The following SPICE1 variants were observed in gnomAD, a reference collection of about 807,000 sequenced individuals.
SPICE1 encodes spindle and centriole-associated protein 1.
A neutral mutation model predicts 102.7 loss-of-function variants in SPICE1; 75 were observed. The ratio of observed to expected loss-of-function variants is 0.73; its 90% confidence interval spans 0.61 to 0.88. The LOEUF (loss-of-function observed/expected upper bound fraction) is 0.88. SPICE1 is among the 40% of genes least tolerant of loss of function. The pLI is 0.00. For synonymous variants in SPICE1, 308 were observed against 350.3 expected (o/e 0.88, Z 1.35); for missense variants, 979 against 1,020.1 (o/e 0.96, Z 0.55).
intron 2 of SPICE1, among the ~76,000 whole-genome samples, chr3:113,503,439 T>C (rs1937047671): frequency 6.6e-6 from 1 of 152,170 alleles, no homozygotes; most frequent in Admixed American, 6.5e-5. Flanking sequence ...TTAGATGTCT[T>C]ACAGAAAATA....
rs749806313 is a variant in SPICE1 at position 113,460,657 on chromosome 3, T to C, written c.1395A>G (p.Ser465=). ...VINNRQEIQA[S]ESGATGRRVM... is the part of the protein sequence containing the mutation. ...CTCTTCTACCTGTGGCTCCGCTTTC[T>C]GATGCCTGAATTTCTTGTCTGTTAT... The change falls in exon 12 of 18, where the codon TCA becomes TCG. Residue 465 remains serine (S), a synonymous_variant. Transcript: ENST00000295872. 5 of 1,613,966 alleles carry C rather than the reference T, an allele frequency of 3.1e-6. No homozygotes were observed. The highest frequency in any genetic ancestry group is 2.5e-6 in the Non-Finnish European group (3 of 1,179,894).
intron 15 of SPICE1, 110 bp downstream of exon 15, chr3:113,450,226 C>A (rs750235230): frequency 1.2e-5 from 15 of 1,262,708 alleles, no homozygotes; most frequent in Non-Finnish European, 1.1e-6. Context: ...AAATTGAAGG[C>A]ACCAAAATAT....
At position 113,450,324 on chromosome 3, in the gene SPICE1, T is replaced by A; in HGVS notation, c.2323+12A>T. The A allele has an allele frequency of 1.2e-6, 2 of 1,613,824 alleles. No homozygotes were observed. The highest frequency in any genetic ancestry group is 2.2e-5 in the South Asian group (2 of 91,050). Reference sequence around the variant, plus strand: ...ATATTTCTAGTTTTTAAATCATGAATTTGTGACCAACCAGTCCATGCTCTG... The same window carrying A: ...ATATTTCTAGTTTTTAAATCATGAAATTGTGACCAACCAGTCCATGCTCTG... On this transcript the variant is annotated intron_variant, in intron 15 of 17. Transcript: ENST00000295872.
chr3:113,469,985 G>C (rs918327999), intron 7 of SPICE1, among the ~76,000 whole-genome samples: 3 of 152,200 alleles, frequency 2.0e-5, no homozygotes, highest in Non-Finnish European at 4.4e-5. Context: ...TCAGGGAGGG[G>C]CTAGATAGAG....
chr3:113,510,425 T>C (rs1156755799), intron 1 of SPICE1, among the ~76,000 whole-genome samples: 3 of 152,088 alleles, frequency 2.0e-5, no homozygotes, highest in Non-Finnish European at 4.4e-5. Context: ...AAAGCAGACA[T>C]ATAGACCAAC....
At chr3:113,451,394 G>C (rs937433453) in intron 14 of SPICE1, among the ~76,000 whole-genome samples, 13 of 151,894 alleles carry the variant, frequency 8.6e-5, no homozygotes, top group African/African-American at 3.1e-4. Flanking sequence ...TTCAGTCCTA[G>C]TTATTTCATT....
At chr3:113,446,457 ATTTCT>A (rs1340429940) in intron 17 of SPICE1, 127 bp downstream of exon 17, 9 of 724,224 alleles carry the variant, frequency 1.2e-5, no homozygotes, top group East Asian at 5.4e-5. Context: ...GTAAATTAGT[ATTTCT>A]TTTCTTTTAA....
chr3:113,498,097 A>G (rs1936935969), intron 4 of SPICE1, among the ~76,000 whole-genome samples: 1 of 152,054 alleles, frequency 6.6e-6, no homozygotes, highest in Non-Finnish European at 1.5e-5. Context: ...GCTGGTCTTG[A>G]ACTCCTGACC....
intron 4 of SPICE1, 85 bp downstream of exon 4, chr3:113,499,354 T>C (rs758806843): frequency 1.4e-6 from 2 of 1,419,894 alleles, no homozygotes; most frequent in East Asian, 2.3e-5. Context: ...CTAGAGTCTC[T>C]CCAACGTGAA....
intron 11 of SPICE1, 74 bp from the exon 12 acceptor site, chr3:113,460,838 A>G: frequency 2.2e-6 from 3 of 1,375,114 alleles, no homozygotes; most frequent in Non-Finnish European, 3.0e-6. Flanking sequence ...AGCAAACCAC[A>G]CAAAGGATAC....
chr3:113,479,368 G>T lies in SPICE1; in HGVS notation c.611+9577C>A, dbSNP rs199689797. On this transcript the variant is annotated intron_variant, in intron 7 of 17. Transcript: ENST00000295872. Reference sequence around the variant, plus strand: ...TATGTGCCACATTTTCTTAATCCAGGCTATCATTGTTGGACATTTGGGTTG... The same window carrying T: ...TATGTGCCACATTTTCTTAATCCAGTCTATCATTGTTGGACATTTGGGTTG... 2.5e-3 allele frequency among the ~76,000 whole-genome samples: 376 copies of T among 151,258 alleles called. 2 individuals are homozygous for T. Among genetic ancestry groups the T allele is most frequent in the African/African-American group, 7.9e-3 (325 of 41,054 alleles).
At chr3:113,474,782 CA>C (rs1936296889) in intron 7 of SPICE1, among the ~76,000 whole-genome samples, 1 of 151,984 alleles carries the variant, frequency 6.6e-6, no homozygotes, top group Non-Finnish European at 1.5e-5. Flanking sequence ...GGGACACACT[CA>C]AAGCAGTGTG....
At chr3:113,448,510 T>C (rs1935570032) in intron 15 of SPICE1, among the ~76,000 whole-genome samples, 1 of 152,158 alleles carries the variant, frequency 6.6e-6, no homozygotes, top group Admixed American at 6.5e-5. Context: ...AGAAAATTTC[T>C]GAAGTCATTC....
At chr3:113,475,928 T>C (rs1483096727) in intron 7 of SPICE1, among the ~76,000 whole-genome samples, 1 of 152,158 alleles carries the variant, frequency 6.6e-6, no homozygotes, top group Non-Finnish European at 1.5e-5. Context: ...TTGGAAGTTC[T>C]GGCCAGGGCA....
chr3:113,511,381 C>T (rs1340805254), intron 1 of SPICE1, among the ~76,000 whole-genome samples: 2 of 151,998 alleles, frequency 1.3e-5, no homozygotes, highest in African/African-American at 4.8e-5. Context: ...CATTGATAGA[C>T]TGAATAAAGA....
At chr3:113,454,987 G>A (rs1935748081) in intron 13 of SPICE1, among the ~76,000 whole-genome samples, 1 of 149,438 alleles carries the variant, frequency 6.7e-6, no homozygotes, top group South Asian at 2.1e-4. Context: ...TGCCACCCTT[G>A]TTATTGATCC....
rs1225859985 is a variant in SPICE1, at chr3:113,503,241, T to C, written c.100-14A>G. 2 of 1,558,190 alleles carry C rather than the reference T, an allele frequency of 1.3e-6. No homozygotes were observed. Among genetic ancestry groups the C allele is most frequent in the Non-Finnish European group, 1.7e-6 (2 of 1,160,858 alleles). ...AGTCACGGTATTCTGTAAAAAAAGG[T>C]GGCCTTTCTTTAAAAAAAAAAAAAA... On this transcript the variant is annotated splice_polypyrimidine_tract_variant and intron_variant, in intron 2 of 17. Transcript: ENST00000295872.
chr3:113,509,433 TAAG>T (rs34762495), intron 1 of SPICE1, among the ~76,000 whole-genome samples: 31,934 of 151,834 alleles, frequency 0.21, 3,603 homozygotes, highest in African/African-American at 0.3. Flanking sequence ...GGAAAATACA[TAAG>T]AAGTATAAAA....
chr3:113,475,660 A>G (rs1936326764), intron 7 of SPICE1, among the ~76,000 whole-genome samples: 1 of 152,328 alleles, frequency 6.6e-6, no homozygotes, highest in South Asian at 2.1e-4. Flanking sequence ...AATCCAGCAT[A>G]TAAACAGAAC....
Sources: gnomAD v4.1 joint callset for allele counts (sites outside exome capture counted in the v4.1 genomes callset) on GRCh38, gnomAD v4.1.1 for gene constraint, MANE v1.5 for transcripts, NCBI Gene and HGNC (gene_info 2026-07-23, HGNC 2026-07-21) for gene names.